SMCHD1: variants seen among roughly 807,000 people sequenced by gnomAD.
SMCHD1 encodes the protein structural maintenance of chromosomes flexible hinge domain-containing protein 1.
A neutral mutation model predicts 254.7 loss-of-function variants in SMCHD1; 78 were observed. The ratio of observed to expected loss-of-function variants is 0.31; its 90% CI spans 0.26 to 0.37. The LOEUF is 0.37. Among genes scored for constraint, SMCHD1 ranks in the 10% least tolerant of loss-of-function variants. The probability of loss-of-function intolerance (pLI) is 1.00; values close to 1 mark genes in which losing one functional copy is unlikely to be tolerated. For synonymous variants in SMCHD1, 766 were observed against 794.9 expected (o/e 0.96, Z 0.61); for missense variants, 1,840 against 2,408.1 (o/e 0.76, Z 4.94).
intron 7 of SMCHD1, among the ~76,000 whole-genome samples, chr18:2,691,202 G>GA (rs2074171841): frequency 6.6e-6 from 1 of 152,134 alleles, no homozygotes; most frequent in African/African-American, 2.4e-5. Flanking sequence ...TACTTGCCAT[G>GA]ATAAAACTGG....
chr18:2,748,504 C>T (rs2075512205), intron 30 of SMCHD1, among the ~76,000 whole-genome samples: 1 of 74,986 alleles, frequency 1.3e-5, no homozygotes, highest in Admixed American at 1.6e-4. Context: ...AAGCAATTCT[C>T]CTGCCTCCGC....
chr18:2,681,621 C>T (rs959464223), intron 5 of SMCHD1, among the ~76,000 whole-genome samples: 3 of 145,504 alleles, frequency 2.1e-5, no homozygotes, highest in Non-Finnish European at 4.5e-5. Flanking sequence ...TATAACATTA[C>T]ATAAACCTAG....
intron 17 of SMCHD1, among the ~76,000 whole-genome samples, chr18:2,711,505 C>T (rs191514101): frequency 0.024 from 2,455 of 103,698 alleles, 39 homozygotes; most frequent in Middle Eastern, 0.17. Flanking sequence ...TTTTTTGAGA[C>T]GGAGTCTCGC....
At chr18:2,778,364 C>A in intron 44 of SMCHD1, 125 bp downstream of exon 44, 4 of 647,142 alleles carry the variant, frequency 6.2e-6, no homozygotes, top group South Asian at 2.7e-5. Context: ...AATTGATAAG[C>A]AACATAAAAG....
At chr18:2,770,845 T>G (rs1297110753) in intron 39 of SMCHD1, among the ~76,000 whole-genome samples, 2 of 152,144 alleles carry the variant, frequency 1.3e-5, no homozygotes, top group Non-Finnish European at 2.9e-5. Context: ...GGTCTCGAAC[T>G]TCTTACCTCA....
intron 37 of SMCHD1, among the ~76,000 whole-genome samples, chr18:2,767,776 A>G (rs2143722014): frequency 6.6e-6 from 1 of 151,290 alleles, no homozygotes; most frequent in South Asian, 2.1e-4. Flanking sequence ...TTTTCAGTAG[A>G]GACAGGGTTT....
intron 42 of SMCHD1, among the ~76,000 whole-genome samples, chr18:2,776,203 CAA>C (rs1199871891): frequency 6.6e-6 from 1 of 152,006 alleles, no homozygotes; most frequent in Non-Finnish European, 1.5e-5. Flanking sequence ...TAAAAACACA[CAA>C]AGACATAATA....
intron 42 of SMCHD1, 86 bp downstream of exon 42, chr18:2,776,010 A>G (rs1308422190): frequency 8.6e-7 from 1 of 1,161,256 alleles, no homozygotes; most frequent in African/African-American, 1.6e-5. Context: ...GATTTCTCTA[A>G]AAGATACCTA....
At chr18:2,776,499 G>A (rs2076068557) in intron 42 of SMCHD1, among the ~76,000 whole-genome samples, 1 of 151,894 alleles carries the variant, frequency 6.6e-6, no homozygotes, top group South Asian at 2.1e-4. Context: ...ATGAGTCACT[G>A]CACCCAGCCC....
At chr18:2,729,708 G>A (rs1333665446) in intron 24 of SMCHD1, among the ~76,000 whole-genome samples, 9 of 122,312 alleles carry the variant, frequency 7.4e-5, no homozygotes, top group African/African-American at 2.0e-4. Context: ...TTATTCTTTC[G>A]CTTTTTTTTT....
intron 5 of SMCHD1, 78 bp downstream of exon 5, chr18:2,674,223 T>C (rs2073688582): frequency 3.3e-6 from 4 of 1,215,648 alleles, no homozygotes; most frequent in Non-Finnish European, 4.5e-6. Context: ...TGCCTTTGGA[T>C]GCATATGATA....
intron 3 of SMCHD1, among the ~76,000 whole-genome samples, chr18:2,667,440 A>C (rs1304477218): frequency 1.3e-5 from 2 of 152,130 alleles, no homozygotes; most frequent in African/African-American, 4.8e-5. Flanking sequence ...TGTCTTTATC[A>C]TTTCTTTCTA....
In SMCHD1 at chr18:2,703,697, G is replaced by A. The variant is rs1252057302; in HGVS notation, c.1653G>A (p.Gln551=). 1.9e-6 allele frequency: 3 copies of A among 1,605,882 alleles called. No homozygotes were observed. The highest frequency in any genetic ancestry group is 1.3e-5 in the African/African-American group (1 of 74,508). Residue 551 remains glutamine, a synonymous_variant, in exon 13 of 48, where the codon CAG becomes CAA. Coordinates refer to ENST00000320876, the MANE Select transcript of SMCHD1 (RefSeq NM_015295.3). ...AACATTTTAAAATTCTACAGGAACA[G>A]CGAATGAAAATTGACAGAGAATTTG... ...LFTRILNGQE[Q]RMKIDREFAL...
At chr18:2,672,016 A>G (rs916480304) in intron 3 of SMCHD1, among the ~76,000 whole-genome samples, 1 of 151,048 alleles carries the variant, frequency 6.6e-6, no homozygotes, top group African/African-American at 2.4e-5. Flanking sequence ...TCTAAATTCT[A>G]CTCATTTCTT....
rs562787505 is a variant in SMCHD1, at chr18:2,765,280, G to T, written c.4719+1491G>T. ...GATATCCTTAATTTCTTTAATTTTT[G>T]ATATATCTGGATTTTATTGACCCTT... On this transcript the variant is annotated intron_variant, in intron 37 of 47. Transcript: ENST00000320876. Among the ~76,000 whole-genome samples, 104 of 152,034 alleles carry T rather than the reference G, an allele frequency of 6.8e-4. 1 individual carries two copies. In the South Asian group the frequency reaches 0.017, roughly 25 times the overall value.
chr18:2,717,193 A>G (rs113599542), intron 17 of SMCHD1, among the ~76,000 whole-genome samples: 62 of 152,184 alleles, frequency 4.1e-4, no homozygotes, highest in African/African-American at 1.4e-3. Flanking sequence ...ACTGTTCCCA[A>G]TGCTCTCCAA....
chr18:2,701,381 G>T, intron 12 of SMCHD1: 1 of 152,692 alleles, frequency 6.5e-6, no homozygotes. Flanking sequence ...GGCTGGTCTC[G>T]AACTCCTGAC....
Position 2,732,464 on chromosome 18 carries a change from T to C in SMCHD1, c.3248T>C (p.Ile1083Thr), listed in dbSNP as rs749316082. Residue 1083 changes from isoleucine (I) to threonine (T), a missense_variant, in exon 25 of 48, where the codon ATA becomes ACA. By Grantham distance (89) the Ile-to-Thr change is moderately conservative. This residue lies in a region of SMCHD1 where 881 missense variants were observed against 1,009.5 expected (regional missense o/e 0.87). Transcript: ENST00000320876. Reference protein sequence around the residue: ...MYDEGEREINITSALAEKIKV... With the variant: ...MYDEGEREINTTSALAEKIKV... Reference sequence around the variant, plus strand: ...GATGAAGGAGAAAGAGAAATCAATATAACATCAGCTTTAGCAGAAAAAATT... The same window carrying C: ...GATGAAGGAGAAAGAGAAATCAATACAACATCAGCTTTAGCAGAAAAAATT... The C allele has an allele frequency of 1.9e-6, 3 of 1,606,426 alleles. No individual in the cohort carries two copies. Among genetic ancestry groups the C allele is most frequent in the East Asian group, 2.2e-5 (1 of 44,756 alleles).
intron 24 of SMCHD1, among the ~76,000 whole-genome samples, chr18:2,729,928 G>C (rs555044472): frequency 6.6e-6 from 1 of 152,158 alleles, no homozygotes; most frequent in Admixed American, 6.5e-5. Flanking sequence ...TGCCCAGTCT[G>C]ATCTCAACTT....
Sources: allele counts gnomAD v4.1 joint callset (sites outside exome capture counted in the v4.1 genomes callset), GRCh38; gene constraint gnomAD v4.1.1; regional missense constraint gnomAD v4.1.1; transcripts MANE v1.5; gene names NCBI Gene and HGNC (gene_info 2026-07-23, HGNC 2026-07-21).